The following RSRC1 variants were observed in gnomAD, a reference collection of about 807,000 sequenced individuals.
RSRC1 encodes the protein arginine and serine rich coiled-coil 1, also known as serine/Arginine-related protein 53.
RSRC1 carries 39 observed loss-of-function variants against 49.1 expected under a neutral mutation model. The observed-to-expected ratio is 0.79, with a 90% CI of 0.61 to 1.04. The LOEUF (loss-of-function observed/expected upper bound fraction) is 1.04, where lower values mean the gene tolerates loss of function less well. Ranked by LOEUF, RSRC1 falls within the 50% of genes least tolerant of loss-of-function variation. The pLI, the probability that RSRC1 is intolerant of heterozygous loss-of-function variation, is 0.00. For synonymous variants in RSRC1, 143 were observed against 130.8 expected, an observed-to-expected ratio of 1.09 and a Z score of -0.63; for missense variants, 388 against 402.4, an observed-to-expected ratio of 0.96 and a Z score of 0.31.
intron 3 of RSRC1, among the ~76,000 whole-genome samples, chr3:158,169,676 A>G: frequency 6.6e-6 from 1 of 152,086 alleles, no homozygotes; most frequent in Middle Eastern, 3.2e-3. Context: ...CCCTAACCCC[A>G]TCTGCTTCTC....
At chr3:158,480,234 A>T (rs1738553652) in intron 7 of RSRC1, among the ~76,000 whole-genome samples, 1 of 152,086 alleles carries the variant, frequency 6.6e-6, no homozygotes, top group Admixed American at 6.6e-5. Context: ...TTTAGAAGCA[A>T]TTATTATGGA....
At chr3:158,517,057 C>T (rs1453092201) in intron 7 of RSRC1, among the ~76,000 whole-genome samples, 1 of 152,242 alleles carries the variant, frequency 6.6e-6, no homozygotes, top group Non-Finnish European at 1.5e-5. Flanking sequence ...CACCCGTCTT[C>T]TGCGTCGCTC....
At chr3:158,448,307 A>AT (rs1416662643) in intron 6 of RSRC1, among the ~76,000 whole-genome samples, 9 of 151,792 alleles carry the variant, frequency 5.9e-5, no homozygotes, top group East Asian at 1.9e-4. Context: ...GATGTTTTCA[A>AT]TTTTTTTTAC....
chr3:158,340,752 A>T (rs1488551891), intron 5 of RSRC1, among the ~76,000 whole-genome samples: 1 of 152,182 alleles, frequency 6.6e-6, no homozygotes, highest in Non-Finnish European at 1.5e-5. Flanking sequence ...GATACCTGAA[A>T]ATGTGGAAAC....
chr3:158,146,428 C>T (rs892325180), intron 3 of RSRC1, among the ~76,000 whole-genome samples: 2 of 152,068 alleles, frequency 1.3e-5, no homozygotes, highest in African/African-American at 2.4e-5. Flanking sequence ...TGCTGGATTA[C>T]GTTTATTGAT....
At chr3:158,537,009 C>G in intron 7 of RSRC1, 83 bp from the exon 8 acceptor site, 2 of 818,608 alleles carry the variant, frequency 2.4e-6, no homozygotes, top group South Asian at 3.0e-5. Flanking sequence ...AATTAAATTT[C>G]TTCATAGAAA....
intron 6 of RSRC1, among the ~76,000 whole-genome samples, chr3:158,420,526 G>T (rs78126188): frequency 6.6e-6 from 1 of 151,916 alleles, no homozygotes; most frequent in East Asian, 2.0e-4. Context: ...CTTTGAAGAA[G>T]TCACTTAACC....
intron 4 of RSRC1, among the ~76,000 whole-genome samples, chr3:158,266,170 C>A (rs1399266350): frequency 1.3e-5 from 2 of 152,126 alleles, no homozygotes; most frequent in Non-Finnish European, 2.9e-5. Flanking sequence ...TGGAAAAACA[C>A]AGAATCTTAT....
intron 5 of RSRC1, among the ~76,000 whole-genome samples, chr3:158,351,087 T>A (rs971029861): frequency 1.1e-4 from 16 of 152,194 alleles, no homozygotes; most frequent in African/African-American, 3.6e-4. Context: ...TTCATTTTCA[T>A]TTTCATCTCC....
At chr3:158,414,094 T>C (rs534490509) in intron 6 of RSRC1, among the ~76,000 whole-genome samples, 1 of 152,322 alleles carries the variant, frequency 6.6e-6, no homozygotes, top group African/African-American at 2.4e-5. Flanking sequence ...TAAAGATACA[T>C]GCACATGTAT....
chr3:158,158,211 T>C (rs1268834684), intron 3 of RSRC1, among the ~76,000 whole-genome samples: 1 of 152,166 alleles, frequency 6.6e-6, no homozygotes, highest in Admixed American at 6.5e-5. Flanking sequence ...TCAAACACAG[T>C]TGACTCTTGA....
chr3:158,336,159 G>A (rs745664075), intron 5 of RSRC1, among the ~76,000 whole-genome samples: 5 of 152,254 alleles, frequency 3.3e-5, no homozygotes, highest in East Asian at 3.8e-4. Flanking sequence ...AAGATGCTGC[G>A]GTTGTCCTCT....
intron 4 of RSRC1, among the ~76,000 whole-genome samples, chr3:158,260,258 C>T (rs1283825920): frequency 1.3e-5 from 2 of 152,112 alleles, no homozygotes; most frequent in Non-Finnish European, 2.9e-5. Flanking sequence ...GGCTCAAAGG[C>T]TCTTTAGTTA....
chr3:158,165,101 A>G (rs1718457640), intron 3 of RSRC1, among the ~76,000 whole-genome samples: 2 of 152,202 alleles, frequency 1.3e-5, no homozygotes, highest in African/African-American at 4.8e-5. Flanking sequence ...TGAGAGAATA[A>G]GCGGAACCTT....
chr3:158,339,327 A>G (rs985781029), intron 5 of RSRC1, among the ~76,000 whole-genome samples: 4 of 149,344 alleles, frequency 2.7e-5, no homozygotes, highest in South Asian at 4.2e-4. Context: ...AAAAAAAATG[A>G]TACTAATATT....
chr3:158,260,363 T>C (rs1724821150), intron 4 of RSRC1, among the ~76,000 whole-genome samples: 1 of 152,158 alleles, frequency 6.6e-6, no homozygotes, highest in Non-Finnish European at 1.5e-5. Flanking sequence ...ATCTGTGAGC[T>C]ATGGCCTGGA....
At chr3:158,513,704 G>C (rs146523482) in intron 7 of RSRC1, among the ~76,000 whole-genome samples, 4 of 152,062 alleles carry the variant, frequency 2.6e-5, no homozygotes, top group Admixed American at 6.6e-5. Context: ...CCTGTTCCTC[G>C]TTGTACCTCT....
At chr3:158,523,500 A>C (rs1711824589) in intron 7 of RSRC1, among the ~76,000 whole-genome samples, 1 of 152,050 alleles carries the variant, frequency 6.6e-6, no homozygotes, top group African/African-American at 2.4e-5. Context: ...TATAAACCTT[A>C]TCTCTCAATG....
At chr3:158,116,837 C>A (rs565177327) in intron 1 of RSRC1, among the ~76,000 whole-genome samples, 2 of 151,054 alleles carry the variant, frequency 1.3e-5, no homozygotes, top group African/African-American at 4.8e-5. Flanking sequence ...TTTTTTTTTT[C>A]TTGTTTATTG....
Sources: gnomAD v4.1 joint callset for allele counts (sites outside exome capture counted in the v4.1 genomes callset) on GRCh38, gnomAD v4.1.1 for gene constraint, MANE v1.5 for transcripts, NCBI Gene and HGNC (gene_info 2026-07-23, HGNC 2026-07-21) for gene names.